MTUS1: variants seen among roughly 807,000 people sequenced by gnomAD.
MTUS1 encodes the protein microtubule associated scaffold protein 1, also known as microtubule-associated tumor suppressor 1.
A neutral mutation model predicts 120.8 loss-of-function variants in MTUS1; 109 were observed. That is an observed-to-expected ratio of 0.90 (90% CI 0.77 to 1.06). The LOEUF (loss-of-function observed/expected upper bound fraction) is 1.06. Ranked by LOEUF, MTUS1 falls within the 50% of genes least tolerant of loss-of-function variation. The pLI, the probability that MTUS1 is intolerant of heterozygous loss-of-function variation, is 0.00. For synonymous variants in MTUS1, 737 were observed against 550.5 expected, an observed-to-expected ratio of 1.34 and a Z score of -4.74; for missense variants, 2,210 against 1,486.3, an observed-to-expected ratio of 1.49 and a Z score of -8.01.
intron 6 of MTUS1, among the ~76,000 whole-genome samples, chr8:17,693,825 C>A (rs1817437851): frequency 2.0e-5 from 3 of 152,182 alleles, no homozygotes; most frequent in Admixed American, 2.0e-4. Context: ...GACTTAGTCC[C>A]AGTCATACTT....
At chr8:17,672,093 A>C (rs973348728) in intron 8 of MTUS1, among the ~76,000 whole-genome samples, 1 of 152,166 alleles carries the variant, frequency 6.6e-6, no homozygotes, top group Admixed American at 6.5e-5. Flanking sequence ...GAATACTCTG[A>C]TGAGGTCTCA....
At chr8:17,709,957 A>C (rs1690794832) in intron 6 of MTUS1, among the ~76,000 whole-genome samples, 1 of 151,924 alleles carries the variant, frequency 6.6e-6, no homozygotes, top group African/African-American at 2.4e-5. Context: ...CAGCGAGCAG[A>C]GATCATGCCA....
At chr8:17,756,675 C>CCCCCCG in intron 1 of MTUS1, among the ~76,000 whole-genome samples, 1 of 54,520 alleles carries the variant, frequency 1.8e-5, no homozygotes, top group Non-Finnish European at 4.7e-5. Context: ...GCCCAAACCC[C>CCCCCCG]CACCCCTTAT....
At chr8:17,701,527 A>C (rs116183436) in intron 6 of MTUS1, among the ~76,000 whole-genome samples, 1,735 of 152,296 alleles carry the variant, frequency 0.011, 39 homozygotes, top group African/African-American at 0.04. Context: ...TGTTTTTAAA[A>C]AACAAAACCT....
intron 1 of MTUS1, among the ~76,000 whole-genome samples, chr8:17,784,789 CT>C (rs35184947): frequency 1.2e-3 from 175 of 147,206 alleles, no homozygotes; most frequent in African/African-American, 3.7e-3. Context: ...ACAAGAAGAA[CT>C]TTTTTTTTTT....
At chr8:17,669,613 C>T (rs1308064571) in intron 8 of MTUS1, among the ~76,000 whole-genome samples, 3 of 151,998 alleles carry the variant, frequency 2.0e-5, no homozygotes, top group Non-Finnish European at 4.4e-5. Flanking sequence ...TGGGAGGCCG[C>T]AGCAGGTGGA....
intron 7 of MTUS1, among the ~76,000 whole-genome samples, chr8:17,679,586 C>G (rs1345901197): frequency 1.3e-5 from 2 of 151,978 alleles, no homozygotes; most frequent in East Asian, 3.9e-4. Flanking sequence ...ACTGCAACCT[C>G]CACCTATTGG....
intron 6 of MTUS1, among the ~76,000 whole-genome samples, chr8:17,703,507 C>T (rs926036164): frequency 2.6e-5 from 4 of 151,784 alleles, no homozygotes; most frequent in African/African-American, 9.7e-5. Flanking sequence ...GTGGTGCGCA[C>T]CTGTAGTCCC....
chr8:17,704,419 T>G (rs1284959112), intron 6 of MTUS1, among the ~76,000 whole-genome samples: 1 of 152,186 alleles, frequency 6.6e-6, no homozygotes, highest in Non-Finnish European at 1.5e-5. Context: ...TATATTTAAG[T>G]CTTTAATCCA....
chr8:17,776,089 T>G (rs2050404788), intron 1 of MTUS1, among the ~76,000 whole-genome samples: 1 of 152,166 alleles, frequency 6.6e-6, no homozygotes, highest in Non-Finnish European at 1.5e-5. Flanking sequence ...TGAGTGGTCT[T>G]TCAAACTTGC....
chr8:17,648,860 C>G (rs557718239), intron 13 of MTUS1, among the ~76,000 whole-genome samples: 2 of 152,228 alleles, frequency 1.3e-5, no homozygotes, highest in African/African-American at 4.8e-5. Context: ...CAGTCAACAG[C>G]AAGGCACCGC....
chr8:17,717,496 G>C (rs1166116868), intron 4 of MTUS1, among the ~76,000 whole-genome samples: 1 of 152,122 alleles, frequency 6.6e-6, no homozygotes, highest in Non-Finnish European at 1.5e-5. Flanking sequence ...CTGGATTTTA[G>C]TCTTACTTTT....
At chr8:17,691,119 T>C (rs1051600551) in intron 6 of MTUS1, among the ~76,000 whole-genome samples, 3 of 152,236 alleles carry the variant, frequency 2.0e-5, no homozygotes, top group Non-Finnish European at 4.4e-5. Flanking sequence ...AAAACACTGC[T>C]ATCCTTCCCA....
Position 17,715,889 on chromosome 8 carries a change from G to A in MTUS1, c.2462C>T (p.Ala821Val). The stretch of plus-strand genomic sequence containing the variant: ...AGGTTTCTCCTCATATTTGATGACA[G>A]CGGCATTACCAGCTGTAATAAAACA... ...STYSNNSGNA[A>V]VIKYEEKPPK... is the part of the protein sequence containing the mutation. Residue 821 changes from alanine to valine, a missense_variant, in exon 5 of 15, where the codon GCT becomes GTT. By Grantham distance (64) the Ala-to-Val change is moderately conservative. Coordinates refer to ENST00000693296, the MANE Select transcript of MTUS1 (RefSeq NM_001363059.2). 1 of 1,612,164 alleles carries A rather than the reference G, an allele frequency of 6.2e-7. No homozygotes were observed. Among genetic ancestry groups the A allele is most frequent in the Non-Finnish European group, 8.5e-7 (1 of 1,179,554 alleles).
At chr8:17,760,726 A>G (rs190267564) in intron 1 of MTUS1, among the ~76,000 whole-genome samples, 24 of 152,218 alleles carry the variant, frequency 1.6e-4, no homozygotes, top group African/African-American at 5.5e-4. Flanking sequence ...TAAAGCCTTC[A>G]AAGTTGCCAT....
At position 17,740,123 on chromosome 8, in the gene MTUS1, G is replaced by A. The variant is rs557712017; in HGVS notation, c.2287+3481C>T. On this transcript the variant is annotated intron_variant, in intron 3 of 14. Coordinates refer to ENST00000693296, the MANE Select transcript of MTUS1 (RefSeq NM_001363059.2). ...CTCAGGAGGCTGAGGCAGCAGAATC[G>A]CTTGAACCCAGGAGGCGGAGGTTGC... Among the ~76,000 whole-genome samples the A allele has an allele frequency of 2.6e-5, 4 of 151,996 alleles. No individual in the cohort carries two copies. In the South Asian group the frequency reaches 6.2e-4, roughly 24 times the overall value.
intron 1 of MTUS1, among the ~76,000 whole-genome samples, chr8:17,765,456 C>T (rs907216088): frequency 6.6e-6 from 1 of 151,990 alleles, no homozygotes; most frequent in South Asian, 2.1e-4. Flanking sequence ...TCTTTCTCTA[C>T]AAAATATACA....
intron 1 of MTUS1, among the ~76,000 whole-genome samples, chr8:17,787,809 T>C (rs1053940519): frequency 1.5e-4 from 23 of 152,318 alleles, no homozygotes; most frequent in African/African-American, 3.6e-4. Flanking sequence ...CAAAGCTCAA[T>C]AGTTTATTCA....
intron 6 of MTUS1, among the ~76,000 whole-genome samples, chr8:17,699,595 C>A (rs1228123978): frequency 6.6e-6 from 1 of 152,354 alleles, no homozygotes; most frequent in East Asian, 1.9e-4. Flanking sequence ...TAATCAGATT[C>A]ATTAACATTT....
Sources: allele counts gnomAD v4.1 joint callset (sites outside exome capture counted in the v4.1 genomes callset), GRCh38; gene constraint gnomAD v4.1.1; transcripts MANE v1.5; gene names NCBI Gene and HGNC (gene_info 2026-07-23, HGNC 2026-07-21).